Variants in LOC400499 observed in about 807,000 individuals in gnomAD.
chr16:11,458,641 G>A, the LOC400499 span, among the ~76,000 whole-genome samples: 1 of 152,184 alleles, frequency 6.6e-6, no homozygotes, highest in Non-Finnish European at 1.5e-5. Flanking sequence ...AGCATTTCCT[G>A]GTTATAGACT....
the LOC400499 span, chr16:11,485,032 C>T: frequency 7.5e-6 from 3 of 399,066 alleles, no homozygotes; most frequent in Non-Finnish European, 1.3e-5. Context: ...TGCCAAACAG[C>T]CTGTGAGCAA....
chr16:11,383,544 AT>A, the LOC400499 span: 1 of 1,179,508 alleles, frequency 8.5e-7, no homozygotes, highest in Admixed American at 4.2e-5. Context: ...AATGACAATT[AT>A]TTGTCCTCCC....
At chr16:11,459,985 A>C in the LOC400499 span, 2 of 1,515,500 alleles carry the variant, frequency 1.3e-6, no homozygotes, top group South Asian at 2.5e-5. Flanking sequence ...TTCTTGTCCC[A>C]GTGCTTCCCG....
At chr16:11,517,589 C>A in the LOC400499 span, among the ~76,000 whole-genome samples, 1 of 152,164 alleles carries the variant, frequency 6.6e-6, no homozygotes, top group Non-Finnish European at 1.5e-5. Context: ...GCAGAAACCC[C>A]GAACTGGAAG....
At chr16:11,397,762 G>A in the LOC400499 span, among the ~76,000 whole-genome samples, 2 of 39,112 alleles carry the variant, frequency 5.1e-5, no homozygotes. Context: ...AGGGATGGAG[G>A]GAGGGAGGGA....
the LOC400499 span, among the ~76,000 whole-genome samples, chr16:11,416,488 T>C: frequency 2.0e-5 from 3 of 152,104 alleles, no homozygotes; most frequent in Non-Finnish European, 4.4e-5. Flanking sequence ...CCCTATCTCA[T>C]AGGCTCGTTC....
chr16:11,497,034 CTG>C, the LOC400499 span, among the ~76,000 whole-genome samples: 1 of 151,866 alleles, frequency 6.6e-6, no homozygotes, highest in Admixed American at 6.6e-5. Context: ...GTGTGTAGGT[CTG>C]TGTGTGTACA....
At chr16:11,420,558 A>C in the LOC400499 span, among the ~76,000 whole-genome samples, 1 of 150,910 alleles carries the variant, frequency 6.6e-6, no homozygotes, top group South Asian at 2.1e-4. Flanking sequence ...ACTAACCTGC[A>C]CATTGTGCAC....
At chr16:11,448,741 GAAGGAAAAGGAAA>G in the LOC400499 span, among the ~76,000 whole-genome samples, 5 of 151,922 alleles carry the variant, frequency 3.3e-5, no homozygotes, top group South Asian at 4.2e-4. Flanking sequence ...TATAAGAAAA[GAAGGAAAAGGAAA>G]AAGGAAAAGG....
At chr16:11,464,343 G>A in the LOC400499 span, among the ~76,000 whole-genome samples, 8 of 152,248 alleles carry the variant, frequency 5.3e-5, no homozygotes, top group Non-Finnish European at 1.0e-4. Context: ...AGGCTGTGCA[G>A]TGCTCGTCAG....
chr16:11,374,634 ATCCATGTGG>A, the LOC400499 span, among the ~76,000 whole-genome samples: 1 of 152,186 alleles, frequency 6.6e-6, no homozygotes, highest in African/African-American at 2.4e-5. Flanking sequence ...CTCAAGGGTC[ATCCATGTGG>A]TAGCGTGTGT....
At chr16:11,399,551 G>A in the LOC400499 span, 1 of 398,790 alleles carries the variant, frequency 2.5e-6, no homozygotes, top group Non-Finnish European at 4.4e-6. Flanking sequence ...TGGGGTCTGC[G>A]TGAAGGCCCC....
At chr16:11,478,234 G>A in the LOC400499 span, among the ~76,000 whole-genome samples, 1 of 148,982 alleles carries the variant, frequency 6.7e-6, no homozygotes, top group Admixed American at 6.7e-5. Context: ...CGCCATGTTG[G>A]CCAGGCTGGT....
chr16:11,526,728 C>T, the LOC400499 span, among the ~76,000 whole-genome samples: 1 of 152,018 alleles, frequency 6.6e-6, no homozygotes, highest in Non-Finnish European at 1.5e-5. Flanking sequence ...TTTTTTGTTG[C>T]TGAGACAATG....
chr16:11,519,749 A>C, the LOC400499 span, among the ~76,000 whole-genome samples: 1 of 147,594 alleles, frequency 6.8e-6, no homozygotes, highest in South Asian at 2.1e-4. Context: ...CTTGTTTTCC[A>C]GGCTGGAGTG....
At chr16:11,517,540 G>A in the LOC400499 span, among the ~76,000 whole-genome samples, 1 of 152,186 alleles carries the variant, frequency 6.6e-6, no homozygotes, top group Non-Finnish European at 1.5e-5. Flanking sequence ...CTCCAGCTGG[G>A]ATTTGAACCC....
At chr16:11,497,597 C>T in the LOC400499 span, among the ~76,000 whole-genome samples, 1 of 152,190 alleles carries the variant, frequency 6.6e-6, no homozygotes, top group African/African-American at 2.4e-5. Context: ...GTGGGGCAGG[C>T]TGGTGCCACT....
At chr16:11,480,019 T>C in the LOC400499 span, among the ~76,000 whole-genome samples, 19 of 152,222 alleles carry the variant, frequency 1.2e-4, no homozygotes, top group African/African-American at 2.9e-4. Flanking sequence ...AAGAGAAACA[T>C]TGGGCTGCCC....
At chr16:11,434,857 G>A in the LOC400499 span, among the ~76,000 whole-genome samples, 1 of 152,282 alleles carries the variant, frequency 6.6e-6, no homozygotes, top group African/African-American at 2.4e-5. Flanking sequence ...CTAGGCTCCT[G>A]AGCACCCCAC....
Sources: allele counts gnomAD v4.1 joint callset (sites outside exome capture counted in the v4.1 genomes callset), GRCh38; gene constraint gnomAD v4.1.1; transcripts MANE v1.5.